The following CPA6 variants were observed in gnomAD, a reference collection of about 807,000 sequenced individuals.
The protein encoded by CPA6 is carboxypeptidase B.
CPA6 carries 58 observed loss-of-function variants against 63.3 expected under a neutral mutation model. The ratio of observed to expected loss-of-function variants is 0.92; its 90% CI spans 0.74 to 1.14. The LOEUF (loss-of-function observed/expected upper bound fraction) is 1.14, where lower values mean the gene tolerates loss of function less well. CPA6 is among the 50% of genes most tolerant of loss of function. CPA6 has a pLI of 0.00. For synonymous variants in CPA6, 185 were observed against 179.0 expected (o/e 1.03, Z -0.27); for missense variants, 565 against 526.6 (o/e 1.07, Z -0.71).
chr8:67,433,675 T>C (rs1810078185), intron 9 of CPA6, among the ~76,000 whole-genome samples: 1 of 152,212 alleles, frequency 6.6e-6, no homozygotes, highest in African/African-American at 2.4e-5. Flanking sequence ...ACTTTTTCTG[T>C]GTAACCTGTG....
chr8:67,731,306 T>C (rs1817701177), intron 1 of CPA6, among the ~76,000 whole-genome samples: 1 of 152,260 alleles, frequency 6.6e-6, no homozygotes, highest in African/African-American at 2.4e-5. Flanking sequence ...TGGTATGCTA[T>C]ACTTTTTCTT....
In CPA6 at chr8:67,448,931, AT is replaced by A. The variant is rs570713320; in HGVS notation, c.839-14692del. Among the ~76,000 whole-genome samples the A allele has an allele frequency of 1.1e-4, 17 of 152,212 alleles. No individual in the cohort carries two copies. The South Asian group carries it at 3.5e-3, about 32-fold the overall frequency. On this transcript the variant is annotated intron_variant, in intron 8 of 10. Transcript: ENST00000297770. ...AAATATCCTGTAATTTTCCTACCAA[AT>A]TAAAACATTACTTTGGTTATATATT... is the stretch of plus-strand genomic sequence containing the variant.
chr8:67,473,071 C>T (rs757390433), intron 8 of CPA6, among the ~76,000 whole-genome samples: 29 of 152,168 alleles, frequency 1.9e-4, no homozygotes, highest in Admixed American at 3.9e-4. Context: ...AAAAGAACAA[C>T]TTAAGAGCAA....
At chr8:67,644,840 G>T (rs1587665372) in intron 1 of CPA6, among the ~76,000 whole-genome samples, 1 of 152,272 alleles carries the variant, frequency 6.6e-6, no homozygotes, top group African/African-American at 2.4e-5. Flanking sequence ...GGTATGTGGA[G>T]ACTTTCCGAG....
chr8:67,641,001 G>A (rs1171237406), intron 1 of CPA6, among the ~76,000 whole-genome samples: 2 of 151,734 alleles, frequency 1.3e-5, no homozygotes, highest in Non-Finnish European at 2.9e-5. Flanking sequence ...ATGCAAGGGT[G>A]CGGGTCATGC....
At position 67,694,441 on chromosome 8, in the gene CPA6, C is replaced by T. The variant is rs1458939693; in HGVS notation, c.116+51573G>A. 2.0e-4 allele frequency among the ~76,000 whole-genome samples: 30 copies of T among 152,216 alleles called. 1 individual carries two copies. The stretch of plus-strand genomic sequence containing the variant: ...CCAAGTTACCATGTGGCCTGAGCTT[C>T]CCATCATGAACTAAGTGTTATCTGA... On this transcript the variant is annotated intron_variant, in intron 1 of 10. Coordinates refer to ENST00000297770, the MANE Select transcript of CPA6 (RefSeq NM_020361.5).
intron 2 of CPA6, among the ~76,000 whole-genome samples, chr8:67,521,225 C>T (rs1812251528): frequency 6.6e-6 from 1 of 152,248 alleles, no homozygotes; most frequent in South Asian, 2.1e-4. Context: ...AACCTGGTGA[C>T]TATTCCCGTG....
chr8:67,491,024 G>A (rs1263088745), intron 6 of CPA6, among the ~76,000 whole-genome samples: 1 of 151,986 alleles, frequency 6.6e-6, no homozygotes, highest in South Asian at 2.1e-4. Flanking sequence ...CTGGCAGAAC[G>A]AAGCCTGTTA....
chr8:67,561,013 T>C (rs1813197801), intron 2 of CPA6, among the ~76,000 whole-genome samples: 1 of 152,212 alleles, frequency 6.6e-6, no homozygotes, highest in Non-Finnish European at 1.5e-5. Flanking sequence ...TCTAGTTAAC[T>C]ACACAAAGAC....
rs554162754 is a variant in CPA6, at chr8:67,634,569, G to T, written c.117-10318C>A. On this transcript the variant is annotated intron_variant, in intron 1 of 10. Transcript: ENST00000297770. ...TTTGCGGGGAGAAAGAGTAAGGTTA[G>T]ATTACAATCTGGGCTCCACCACTTG... 5.3e-5 allele frequency among the ~76,000 whole-genome samples: 8 copies of T among 151,660 alleles called. 1 individual carries two copies. In the East Asian group the frequency reaches 1.5e-3, roughly 29 times the overall value.
chr8:67,445,846 A>G (rs572664511), intron 8 of CPA6, among the ~76,000 whole-genome samples: 72 of 152,368 alleles, frequency 4.7e-4, no homozygotes, highest in African/African-American at 1.6e-3. Context: ...TAAACACTGG[A>G]GAGTGAATTC....
intron 8 of CPA6, among the ~76,000 whole-genome samples, chr8:67,453,779 T>C: frequency 6.6e-6 from 1 of 152,226 alleles, no homozygotes; most frequent in East Asian, 1.9e-4. Flanking sequence ...CTTAGTATCC[T>C]GCATTAAAAT....
At chr8:67,533,679 G>T (rs1812524553) in intron 2 of CPA6, among the ~76,000 whole-genome samples, 1 of 152,194 alleles carries the variant, frequency 6.6e-6, no homozygotes, top group African/African-American at 2.4e-5. Context: ...AAAGAGAAAA[G>T]AAGGCATTTA....
At chr8:67,688,747 T>G (rs1005333158) in intron 1 of CPA6, among the ~76,000 whole-genome samples, 4 of 152,200 alleles carry the variant, frequency 2.6e-5, no homozygotes, top group Non-Finnish European at 4.4e-5. Context: ...AAAGAACAAA[T>G]GATTTTAACA....
chr8:67,533,894 A>G (rs974803000), intron 2 of CPA6, among the ~76,000 whole-genome samples: 1 of 152,224 alleles, frequency 6.6e-6, no homozygotes, highest in Non-Finnish European at 1.5e-5. Context: ...GAAGTTTATC[A>G]GTCTTTTCCC....
In CPA6 at chr8:67,517,985, A is replaced by C. The variant is rs539581100; in HGVS notation, c.255T>G (p.His85Gln). The change falls in exon 3 of 11, where the codon CAT becomes CAG. Residue 85 changes from histidine (H) to glutamine (Q), a missense_variant. Physicochemically the swap from His to Gln is conservative, Grantham distance 24. Transcript: ENST00000297770. ...YVSEGTVTDV[H>Q]IPQNGSRALL... is the part of the protein sequence containing the mutation. ...GGGCTCGGGAACCATTTTGGGGGATATGGACATCAGTAACTGTTCCCTCTG... is the reference window on the plus strand; with the variant it reads ...GGGCTCGGGAACCATTTTGGGGGATCTGGACATCAGTAACTGTTCCCTCTG... 2 of 1,613,264 alleles carry C rather than the reference A, an allele frequency of 1.2e-6. No individual in the cohort carries two copies. The highest frequency in any genetic ancestry group is 8.5e-7 in the Non-Finnish European group (1 of 1,179,686).
chr8:67,703,580 C>T (rs2553652), intron 1 of CPA6, among the ~76,000 whole-genome samples: 71,458 of 152,106 alleles, frequency 0.47, 19,914 homozygotes, highest in African/African-American at 0.79. Flanking sequence ...GCTGCATGAC[C>T]TCCTTCTCTG....
intron 2 of CPA6, among the ~76,000 whole-genome samples, chr8:67,579,990 A>G (rs1322314420): frequency 6.6e-6 from 1 of 152,160 alleles, no homozygotes; most frequent in East Asian, 1.9e-4. Flanking sequence ...ATTGCAACAG[A>G]AACTTTTGCC....
chr8:67,423,824 A>G (rs1322076731), intron 10 of CPA6, among the ~76,000 whole-genome samples: 1 of 152,174 alleles, frequency 6.6e-6, no homozygotes, highest in African/African-American at 2.4e-5. Flanking sequence ...AGGGGTCCCC[A>G]ACCCCCAGGC....
Sources: allele counts gnomAD v4.1 joint callset (sites outside exome capture counted in the v4.1 genomes callset), GRCh38; gene constraint gnomAD v4.1.1; transcripts MANE v1.5; gene names NCBI Gene and HGNC (gene_info 2026-07-23, HGNC 2026-07-21).